The following MECOM variants were observed in gnomAD, a reference collection of about 807,000 sequenced individuals.
MECOM encodes the protein MDS1 and EVI1 complex locus, also known as histone-lysine N-methyltransferase MECOM.
MECOM carries 13 observed loss-of-function variants against 116.3 expected under a neutral mutation model. The ratio of observed to expected loss-of-function variants is 0.11; its 90% CI spans 0.07 to 0.18. MECOM has a LOEUF of 0.18. Among genes scored for constraint, MECOM ranks in the 10% least tolerant of loss-of-function variants. MECOM has a pLI of 1.00. For missense variants in MECOM, 1,299 were observed against 1,509.0 expected (o/e 0.86, Z 2.31); for synonymous variants, 528 against 535.2 (o/e 0.99, Z 0.19).
At chr3:169,340,873 A>G (rs1230324482) in intron 2 of MECOM, among the ~76,000 whole-genome samples, 1 of 152,178 alleles carries the variant, frequency 6.6e-6, no homozygotes, top group East Asian at 1.9e-4. Flanking sequence ...GGTAAGTTGG[A>G]CAAGAATATA....
chr3:169,576,842 G>C (rs895815859), intron 1 of MECOM, among the ~76,000 whole-genome samples: 1 of 147,526 alleles, frequency 6.8e-6, no homozygotes, highest in East Asian at 2.0e-4. Flanking sequence ...CACACACAGA[G>C]AGAGAGAGAG....
At chr3:169,219,241 T>A (rs1751797976) in intron 2 of MECOM, among the ~76,000 whole-genome samples, 1 of 152,178 alleles carries the variant, frequency 6.6e-6, no homozygotes, top group Admixed American at 6.5e-5. Flanking sequence ...GCGCGGTGGC[T>A]CACGCCTGTA....
At chr3:169,438,183 C>A (rs1397125126) in intron 1 of MECOM, among the ~76,000 whole-genome samples, 1 of 152,202 alleles carries the variant, frequency 6.6e-6, no homozygotes, top group African/African-American at 2.4e-5. Context: ...CTAAACTATA[C>A]ACCTTCTCAC....
chr3:169,085,909 T>C (rs1717567517), intron 16 of MECOM, among the ~76,000 whole-genome samples: 1 of 152,224 alleles, frequency 6.6e-6, no homozygotes, highest in African/African-American at 2.4e-5. Flanking sequence ...TGATTTGCTA[T>C]TGTTGGTCTC....
intron 1 of MECOM, among the ~76,000 whole-genome samples, chr3:169,417,872 C>T (rs1369891338): frequency 1.3e-5 from 2 of 151,888 alleles, no homozygotes; most frequent in Non-Finnish European, 2.9e-5. Flanking sequence ...AAACCAAACA[C>T]CACGTATTCT....
At chr3:169,481,230 G>A (rs1462096804) in intron 1 of MECOM, among the ~76,000 whole-genome samples, 2 of 152,084 alleles carry the variant, frequency 1.3e-5, no homozygotes, top group Non-Finnish European at 2.9e-5. Flanking sequence ...GTATATCTTG[G>A]CATGTTAGGT....
intron 2 of MECOM, among the ~76,000 whole-genome samples, chr3:169,219,480 C>G (rs1037638090): frequency 2.6e-5 from 4 of 152,152 alleles, no homozygotes; most frequent in Admixed American, 2.0e-4. Context: ...GCACTCCAGC[C>G]TGGGCGACAG....
intron 1 of MECOM, among the ~76,000 whole-genome samples, chr3:169,587,687 A>G (rs1765931313): frequency 1.3e-5 from 2 of 152,212 alleles, no homozygotes; most frequent in Non-Finnish European, 2.9e-5. Flanking sequence ...CCTGGTAAGG[A>G]CAAAAGATAG....
chr3:169,369,967 C>G (rs546834750), intron 2 of MECOM, among the ~76,000 whole-genome samples: 1 of 151,884 alleles, frequency 6.6e-6, no homozygotes, highest in Admixed American at 6.6e-5. Flanking sequence ...ATTTTAAAAC[C>G]ATTAAGACTT....
chr3:169,619,843 G>A (rs1770484828), intron 1 of MECOM, among the ~76,000 whole-genome samples: 1 of 152,180 alleles, frequency 6.6e-6, no homozygotes, highest in Admixed American at 6.5e-5. Flanking sequence ...CCCTGTAGGA[G>A]GTGCTAGTCA....
rs144868551 is a variant in MECOM at position 169,229,722 on chromosome 3, T to G, written c.376-85890A>C. ...GAATATGCCCTCAAGATAGCACTCA[T>G]GAGTGTGAGATTCTCTGCACTTCAG... On this transcript the variant is annotated intron_variant, in intron 2 of 16. Coordinates refer to ENST00000651503, the MANE Select transcript of MECOM (RefSeq NM_004991.4). Among the ~76,000 whole-genome samples, 1,232 of 152,286 alleles carry G rather than the reference T, an allele frequency of 8.1e-3. 15 individuals are homozygous for G. Among genetic ancestry groups the G allele is most frequent in the African/African-American group, 0.028 (1,161 of 41,554 alleles).
intron 2 of MECOM, among the ~76,000 whole-genome samples, chr3:169,272,114 T>C (rs1759020493): frequency 1.3e-5 from 2 of 152,182 alleles, no homozygotes; most frequent in Admixed American, 1.3e-4. Context: ...GGTTCAACCA[T>C]TGATCTTCGC....
At chr3:169,397,272 C>T (rs1168258013) in intron 1 of MECOM, among the ~76,000 whole-genome samples, 1 of 152,192 alleles carries the variant, frequency 6.6e-6, no homozygotes, top group Admixed American at 6.5e-5. Flanking sequence ...CAACACTCCC[C>T]TGCCATAGTT....
At chr3:169,486,283 A>G (rs1190772126) in intron 1 of MECOM, among the ~76,000 whole-genome samples, 1 of 151,796 alleles carries the variant, frequency 6.6e-6, no homozygotes, top group Non-Finnish European at 1.5e-5. Context: ...GTAAAGGAGG[A>G]TAGCTAATAA....
intron 2 of MECOM, among the ~76,000 whole-genome samples, chr3:169,277,367 C>G (rs1759733038): frequency 6.6e-6 from 1 of 152,108 alleles, no homozygotes; most frequent in African/African-American, 2.4e-5. Flanking sequence ...AGAGAAAAAA[C>G]AAAGTCGAAT....
intron 2 of MECOM, among the ~76,000 whole-genome samples, chr3:169,176,147 A>C (rs1401727523): frequency 6.6e-6 from 1 of 151,878 alleles, no homozygotes; most frequent in Non-Finnish European, 1.5e-5. Flanking sequence ...ACACACCAAA[A>C]AAAAAAAACC....
Position 169,090,322 on chromosome 3 carries a change from C to T in MECOM, c.3165-86G>A, listed in dbSNP as rs1719269734. On this transcript the variant is annotated intron_variant, in intron 14 of 16. Coordinates refer to ENST00000651503, the MANE Select transcript of MECOM (RefSeq NM_004991.4). ...TTCCTTTATTATGTCTTCCCAACAA[C>T]AGTTTAGATTTTCAACACTTAACAT... 6 of 1,229,576 alleles carry T rather than the reference C, an allele frequency of 4.9e-6. No homozygotes were observed. The Admixed American group carries it at 1.4e-4, about 29-fold the overall frequency. 76.2% of individuals were successfully genotyped at this position (1,229,576 alleles called of 1,614,324 possible).
chr3:169,346,715 T>A (rs766293), intron 2 of MECOM, among the ~76,000 whole-genome samples: 59,365 of 151,658 alleles, frequency 0.39, 13,537 homozygotes, highest in East Asian at 0.62. Context: ...AAAAAAAATT[T>A]AAAATACTCC....
chr3:169,579,684 C>T (rs1228991439), intron 1 of MECOM, among the ~76,000 whole-genome samples: 2 of 152,212 alleles, frequency 1.3e-5, no homozygotes. Flanking sequence ...AGTAGCTCTT[C>T]ATAAGTGAAA....
Sources: gnomAD v4.1 joint callset for allele counts (sites outside exome capture counted in the v4.1 genomes callset) on GRCh38, gnomAD v4.1.1 for gene constraint, MANE v1.5 for transcripts, NCBI Gene and HGNC (gene_info 2026-07-23, HGNC 2026-07-21) for gene names.